The following GSE1 variants were observed in gnomAD, a reference collection of about 807,000 sequenced individuals.
GSE1 encodes genetic suppressor element 1.
Under a neutral mutation model 112.6 loss-of-function variants are expected in GSE1, and 32 were observed. That is an observed-to-expected ratio of 0.28 (90% CI 0.21 to 0.38). The LOEUF is 0.38. Among genes scored for constraint, GSE1 ranks in the 10% least tolerant of loss-of-function variants. The pLI, the probability that GSE1 is intolerant of heterozygous loss-of-function variation, is 1.00. For missense variants in GSE1, 2,348 were observed against 1,699.2 expected, an observed-to-expected ratio of 1.38 and a Z score of -6.71; for synonymous variants, 1,115 against 735.6, an observed-to-expected ratio of 1.52 and a Z score of -8.35.
At chr16:85,408,455 A>ATAATCCTCACTGTTACACTCAGGGCC (rs2048378971) in intron 2 of GSE1, among the ~76,000 whole-genome samples, 1 of 20,360 alleles carries the variant, frequency 4.9e-5, no homozygotes, top group African/African-American at 3.2e-4. Flanking sequence ...ACACTCAGGG[A>ATAATCCTCACTGTTACACTCAGGGCC]CCCCTGGATA....
chr16:85,230,845 G>A (rs928988060), intron 1 of GSE1, among the ~76,000 whole-genome samples: 1 of 151,886 alleles, frequency 6.6e-6, no homozygotes, highest in African/African-American at 2.4e-5. Context: ...ATGGATGGAT[G>A]GATGGATGGA....
intron 1 of GSE1, among the ~76,000 whole-genome samples, chr16:85,561,419 C>T (rs1017943829): frequency 4.6e-5 from 7 of 151,986 alleles, no homozygotes; most frequent in African/African-American, 4.8e-5. Flanking sequence ...CGGCGCCCTC[C>T]GAGCCCCTTA....
At chr16:85,372,009 A>C (rs999660644) in intron 2 of GSE1, among the ~76,000 whole-genome samples, 1 of 152,168 alleles carries the variant, frequency 6.6e-6, no homozygotes, top group Non-Finnish European at 1.5e-5. Flanking sequence ...AGCTTCCAGG[A>C]GGGCACAGGT....
intron 1 of GSE1, chr16:85,594,243 G>GGC (rs2047125324): frequency 4.7e-5 from 6 of 128,550 alleles, no homozygotes; most frequent in African/African-American, 1.9e-4. Context: ...TGGGGGGGGG[G>GGC]GGCGGAGGGG....
At chr16:85,280,875 G>A (rs2044837473) in intron 1 of GSE1, among the ~76,000 whole-genome samples, 1 of 152,198 alleles carries the variant, frequency 6.6e-6, no homozygotes, top group African/African-American at 2.4e-5. Flanking sequence ...GAGAAGCAGA[G>A]AACATCGGCG....
At chr16:85,667,568 A>G (rs1191646630) in intron 13 of GSE1, among the ~76,000 whole-genome samples, 1 of 152,176 alleles carries the variant, frequency 6.6e-6, no homozygotes, top group African/African-American at 2.4e-5. Flanking sequence ...GCTCAAAGAG[A>G]TGGAGGCAGC....
At chr16:85,279,314 G>A (rs1158776595) in intron 1 of GSE1, among the ~76,000 whole-genome samples, 1 of 152,222 alleles carries the variant, frequency 6.6e-6, no homozygotes, top group Non-Finnish European at 1.5e-5. Flanking sequence ...CTCATTTAAG[G>A]TAGTGCCATG....
At chr16:85,209,820 G>T (rs144382810) in intron 1 of GSE1, among the ~76,000 whole-genome samples, 206 of 152,308 alleles carry the variant, frequency 1.4e-3, no homozygotes, top group African/African-American at 4.7e-3. Flanking sequence ...AGGGTTAGGG[G>T]TCCCTACCCT....
chr16:85,223,927 C>G (rs961044539), intron 1 of GSE1, among the ~76,000 whole-genome samples: 4 of 152,152 alleles, frequency 2.6e-5, no homozygotes, highest in Admixed American at 6.5e-5. Context: ...CATTTTAAGG[C>G]ACACAGTTCA....
intron 2 of GSE1, among the ~76,000 whole-genome samples, chr16:85,543,696 A>G (rs1567573955): frequency 6.6e-6 from 1 of 152,180 alleles, no homozygotes; most frequent in Non-Finnish European, 1.5e-5. Context: ...GGGCCAAGAG[A>G]GGGCAGCTGT....
At chr16:85,426,702 G>A (rs62050375) in intron 2 of GSE1, among the ~76,000 whole-genome samples, 1 of 148,744 alleles carries the variant, frequency 6.7e-6, no homozygotes, top group South Asian at 2.2e-4. Context: ...AGATGGGTGG[G>A]TGGATGGATG....
chr16:85,477,144 T>C (rs1383455011), intron 2 of GSE1, among the ~76,000 whole-genome samples: 1 of 152,086 alleles, frequency 6.6e-6, no homozygotes, highest in Middle Eastern at 3.2e-3. Context: ...GCCAGGGTGG[T>C]CGGGTGATCC....
chr16:85,368,869 C>G (rs1039075293), intron 2 of GSE1, among the ~76,000 whole-genome samples: 6 of 152,248 alleles, frequency 3.9e-5, no homozygotes. Context: ...GTCCCCCTCC[C>G]TAGGGCATGG....
Position 85,382,979 on chromosome 16 carries a change from A to AC in GSE1, c.2464+25337dup, listed in dbSNP as rs1341670453. Among the ~76,000 whole-genome samples the AC allele has an allele frequency of 3.4e-5, 5 of 146,908 alleles. No homozygotes were observed. The East Asian group carries it at 1.0e-3, about 30-fold the overall frequency. ...CACGTGCACACACATGCACGCTCAC[A>AC]CGCACACATGTGCACATACAACACA... On this transcript the variant is annotated intron_variant, in intron 2 of 2. Coordinates refer to the GSE1 transcript ENST00000637419.
At chr16:85,555,421 AGG>A, upstream of GSE1, 1 of 586,540 alleles carries the variant, frequency 1.7e-6, no homozygotes. Context: ...TGGTGGCGAG[AGG>A]GGGAGGGGAG....
chr16:85,658,768 C>T (rs914517978), intron 8 of GSE1, among the ~76,000 whole-genome samples: 1 of 152,146 alleles, frequency 6.6e-6, no homozygotes, highest in Admixed American at 6.5e-5. Flanking sequence ...CTGGCATGGC[C>T]TGATAACATC....
intron 2 of GSE1, among the ~76,000 whole-genome samples, chr16:85,376,639 G>T (rs2151610647): frequency 6.6e-6 from 1 of 152,362 alleles, no homozygotes; most frequent in South Asian, 2.1e-4. Flanking sequence ...CACCACAGTG[G>T]CTGGGAGCTG....
intron 2 of GSE1, among the ~76,000 whole-genome samples, chr16:85,455,481 A>C (rs996519005): frequency 6.6e-6 from 1 of 152,204 alleles, no homozygotes; most frequent in East Asian, 1.9e-4. Flanking sequence ...GTGTTGTAAC[A>C]GCAGACCCCA....
chr16:85,429,718 T>C (rs2049075542), intron 2 of GSE1, among the ~76,000 whole-genome samples: 1 of 151,880 alleles, frequency 6.6e-6, no homozygotes, highest in African/African-American at 2.4e-5. Context: ...CCCCCACTGT[T>C]CCCTCTGCCT....
Sources: allele counts gnomAD v4.1 joint callset (sites outside exome capture counted in the v4.1 genomes callset), GRCh38; gene constraint gnomAD v4.1.1; transcripts MANE v1.5; gene names NCBI Gene and HGNC (gene_info 2026-07-23, HGNC 2026-07-21).